Variants in CFAP36 observed in about 807,000 individuals in gnomAD.
CFAP36 encodes cilia- and flagella-associated protein 36.
CFAP36 carries 37 observed loss-of-function variants against 50.5 expected under a neutral mutation model. The ratio of observed to expected loss-of-function variants is 0.73; its 90% CI spans 0.56 to 0.96. The LOEUF is 0.96. CFAP36 is among the 50% of genes least tolerant of loss of function. The pLI, the probability that CFAP36 is intolerant of heterozygous loss-of-function variation, is 0.00. For missense variants in CFAP36, 407 were observed against 396.2 expected, an observed-to-expected ratio of 1.03 and a Z score of -0.23; for synonymous variants, 138 against 128.2, an observed-to-expected ratio of 1.08 and a Z score of -0.52.
intron 6 of CFAP36, among the ~76,000 whole-genome samples, chr2:55,537,050 T>A (rs1473368342): frequency 6.6e-6 from 1 of 152,198 alleles, no homozygotes; most frequent in Admixed American, 6.5e-5. Context: ...GCCAAAAGTA[T>A]ATACTTTCTT....
intron 3 of CFAP36, among the ~76,000 whole-genome samples, chr2:55,527,114 T>C (rs1170423403): frequency 1.3e-5 from 2 of 152,166 alleles, no homozygotes; most frequent in African/African-American, 2.4e-5. Flanking sequence ...CAAGAAGACA[T>C]AACAATCTTT....
At chr2:55,530,758 A>G (rs928347269) in intron 4 of CFAP36, among the ~76,000 whole-genome samples, 2 of 152,152 alleles carry the variant, frequency 1.3e-5, no homozygotes, top group African/African-American at 2.4e-5. Context: ...CTTAATTTCT[A>G]TGTCTTCGTT....
At chr2:55,532,998 AGCTTCAAGG>A (rs1321130275) in intron 4 of CFAP36, among the ~76,000 whole-genome samples, 16 of 152,224 alleles carry the variant, frequency 1.1e-4, no homozygotes, top group Non-Finnish European at 5.9e-5. Context: ...TCTGAATAGA[AGCTTCAAGG>A]GCAGAGATCG....
chr2:55,519,788 C>T lies in CFAP36; in HGVS notation c.-14C>T. On this transcript the variant is annotated 5_prime_UTR_variant, in exon 1 of 10. Coordinates refer to ENST00000349456, the MANE Select transcript of CFAP36 (RefSeq NM_080667.7). ...CTGGCCTAGGGATCTTCCCCGTTGC[C>T]CCTTTGGGGCGGGATGGCTGCGGAA... 2 of 1,613,938 alleles carry T rather than the reference C, an allele frequency of 1.2e-6. No homozygotes were observed. The highest frequency in any genetic ancestry group is 1.7e-6 in the Non-Finnish European group (2 of 1,179,804).
Position 55,523,743 on chromosome 2 carries a change from A to T in CFAP36, c.203A>T (p.Tyr68Phe), listed in dbSNP as rs1558906816. 5 of 1,606,822 alleles carry T rather than the reference A, an allele frequency of 3.1e-6. No individual in the cohort carries two copies. The highest frequency in any genetic ancestry group is 2.6e-6 in the Non-Finnish European group (3 of 1,175,674). Residue 68 changes from tyrosine to phenylalanine, a missense_variant, in exon 3 of 10, where the codon TAC (tyrosine) becomes TTC (phenylalanine). Physicochemically the swap from Tyr to Phe is conservative, Grantham distance 22. Coordinates refer to ENST00000349456, the MANE Select transcript of CFAP36 (RefSeq NM_080667.7). ...KELVEKLLEG[Y>F]LKEIGINEDQ... ...TAGGTTGAAAAGCTGTTAGAAGGTT[A>T]CCTCAAAGAAATTGGAATTAATGAA... is the stretch of plus-strand genomic sequence containing the variant.
In CFAP36 at chr2:55,519,798, C is replaced by A. The variant is rs749665952; in HGVS notation, c.-4C>A. On this transcript the variant is annotated 5_prime_UTR_variant, in exon 1 of 10. Coordinates refer to ENST00000349456, the MANE Select transcript of CFAP36 (RefSeq NM_080667.7). Reference sequence around the variant, plus strand: ...GATCTTCCCCGTTGCCCCTTTGGGGCGGGATGGCTGCGGAAGAAGAAGACG... The same window carrying A: ...GATCTTCCCCGTTGCCCCTTTGGGGAGGGATGGCTGCGGAAGAAGAAGACG... 1 of 1,613,994 alleles carries A rather than the reference C, an allele frequency of 6.2e-7. No individual in the cohort carries two copies. The highest frequency in any genetic ancestry group is 1.3e-5 in the African/African-American group (1 of 74,944).
chr2:55,527,134 G>A (rs543364213), intron 3 of CFAP36, among the ~76,000 whole-genome samples: 56 of 152,306 alleles, frequency 3.7e-4, no homozygotes, highest in African/African-American at 1.3e-3. Context: ...TAATATGTAT[G>A]TACCTAATAA....
rs1684081231 is a variant in CFAP36 at position 55,522,020 on chromosome 2, A to G, written c.116-82A>G. The stretch of plus-strand genomic sequence containing the variant: ...GCTGAAGAGCTAGGTTGACAGTTCT[A>G]TTTGGAAGGAGTGGATTTTTAAATT... On this transcript the variant is annotated intron_variant, in intron 1 of 9. Coordinates refer to ENST00000349456, the MANE Select transcript of CFAP36 (RefSeq NM_080667.7). 8.7e-6 allele frequency: 6 copies of G among 693,364 alleles called. No homozygotes were observed. In the Admixed American group the frequency reaches 1.1e-4, roughly 13 times the overall value. The allele number at this position is 693,364 out of a possible 1,614,324, so 43.0% of individuals were successfully genotyped here.
intron 7 of CFAP36, among the ~76,000 whole-genome samples, chr2:55,541,923 ATTC>A: frequency 6.6e-6 from 1 of 152,308 alleles, no homozygotes; most frequent in East Asian, 1.9e-4. Context: ...AAGGAGTTAG[ATTC>A]TTATTTGACA....
At chr2:55,523,248 C>CAAAA (rs34360176) in intron 2 of CFAP36, among the ~76,000 whole-genome samples, 3 of 140,414 alleles carry the variant, frequency 2.1e-5, no homozygotes, top group African/African-American at 7.9e-5. Context: ...CCATCTCTAC[C>CAAAA]AAAAAAAAAA....
intron 4 of CFAP36, 65 bp downstream of exon 4, chr2:55,529,057 A>C: frequency 9.2e-7 from 1 of 1,090,806 alleles, no homozygotes; most frequent in East Asian, 2.5e-5. Context: ...TGACTATTCT[A>C]ATATGGTCTT....
At chr2:55,528,499 TTCTCCGG>T (rs1381034116) in intron 3 of CFAP36, among the ~76,000 whole-genome samples, 1 of 152,050 alleles carries the variant, frequency 6.6e-6, no homozygotes, top group Non-Finnish European at 1.5e-5. Flanking sequence ...GTTCAAATGA[TTCTCCGG>T]TCTCAGCCTC....
rs1316071674 is a variant in CFAP36, at chr2:55,543,729, T to G, written c.641-209T>G. Among the ~76,000 whole-genome samples the G allele has an allele frequency of 2.6e-5, 4 of 152,168 alleles. No homozygotes were observed. In the East Asian group the frequency reaches 5.8e-4, roughly 22 times the overall value. ...ACTTGTTGAGAAGTAGGTGAGAAAC[T>G]GTAGTTCCAAGCTCCTTAAGGATAG... is the stretch of plus-strand genomic sequence containing the variant. On this transcript the variant is annotated intron_variant, in intron 7 of 9. Transcript: ENST00000349456.
intron 7 of CFAP36, among the ~76,000 whole-genome samples, chr2:55,543,438 C>T (rs904131843): frequency 4.6e-5 from 7 of 152,106 alleles, no homozygotes; most frequent in Admixed American, 1.3e-4. Context: ...ATCTTCAATA[C>T]ATAATTATAA....
chr2:55,538,316 CAG>C, intron 7 of CFAP36, among the ~76,000 whole-genome samples: 1 of 118,484 alleles, frequency 8.4e-6, no homozygotes, highest in Non-Finnish European at 1.7e-5. Flanking sequence ...TTTTTTGAGT[CAG>C]AGTTTTGCTG....
chr2:55,533,428 G>T (rs1356924751), intron 4 of CFAP36, among the ~76,000 whole-genome samples: 1 of 152,250 alleles, frequency 6.6e-6, no homozygotes, highest in South Asian at 2.1e-4. Flanking sequence ...AAATGGCCGG[G>T]AATGGTGGCT....
chr2:55,524,720 G>A (rs1394195389), intron 3 of CFAP36, among the ~76,000 whole-genome samples: 6 of 151,990 alleles, frequency 3.9e-5, no homozygotes, highest in East Asian at 3.9e-4. Context: ...AGTGGCTCAC[G>A]CCTGTAATCC....
intron 5 of CFAP36, among the ~76,000 whole-genome samples, chr2:55,534,646 A>G (rs1388979290): frequency 6.6e-6 from 1 of 152,174 alleles, no homozygotes; most frequent in East Asian, 1.9e-4. Context: ...ATCTCCTGTG[A>G]GAATATATTA....
chr2:55,521,572 C>G (rs890645231), intron 1 of CFAP36, among the ~76,000 whole-genome samples: 3 of 148,328 alleles, frequency 2.0e-5, no homozygotes, highest in African/African-American at 7.5e-5. Flanking sequence ...GGCAAAAAAG[C>G]TTGTTTACAA....
Sources: allele counts gnomAD v4.1 joint callset (sites outside exome capture counted in the v4.1 genomes callset), GRCh38; gene constraint gnomAD v4.1.1; transcripts MANE v1.5; gene names NCBI Gene and HGNC (gene_info 2026-07-23, HGNC 2026-07-21).